FBXL20: variants seen among roughly 807,000 people sequenced by gnomAD.
FBXL20 encodes the protein F-box and leucine rich repeat protein 20.
In FBXL20, 11 loss-of-function variants were observed where a neutral mutation model predicts 64.0. The observed-to-expected ratio is 0.17, with a 90% CI of 0.11 to 0.28. FBXL20 has a LOEUF of 0.28. Among genes scored for constraint, FBXL20 ranks in the 10% least tolerant of loss-of-function variants. The pLI is 1.00. For synonymous variants in FBXL20, 184 were observed against 189.0 expected, an observed-to-expected ratio of 0.97 and a Z score of 0.22; for missense variants, 303 against 526.2, an observed-to-expected ratio of 0.58 and a Z score of 4.15.
At chr17:39,316,146 T>A (rs2047289234) in intron 2 of FBXL20, among the ~76,000 whole-genome samples, 1 of 152,098 alleles carries the variant, frequency 6.6e-6, no homozygotes, top group Non-Finnish European at 1.5e-5. Context: ...GAGATGTGAA[T>A]CTGGAAAGGG....
chr17:39,324,434 A>T, intron 2 of FBXL20, among the ~76,000 whole-genome samples: 1 of 151,630 alleles, frequency 6.6e-6, no homozygotes, highest in Non-Finnish European at 1.5e-5. Flanking sequence ...GATTACAGGC[A>T]CTTGCCACCA....
intron 1 of FBXL20, among the ~76,000 whole-genome samples, chr17:39,344,370 T>G (rs2047612291): frequency 6.6e-6 from 1 of 151,564 alleles, no homozygotes; most frequent in African/African-American, 2.4e-5. Flanking sequence ...AAAAAAAGGT[T>G]TACTGCTCAG....
chr17:39,298,875 A>T (rs758041819), intron 5 of FBXL20, 115 bp downstream of exon 5: 1 of 765,414 alleles, frequency 1.3e-6, no homozygotes, highest in Non-Finnish European at 2.2e-6. Context: ...ATTATAAGCA[A>T]TGTGTGGTTG....
intron 1 of FBXL20, among the ~76,000 whole-genome samples, chr17:39,386,600 G>C (rs558947929): frequency 1.3e-5 from 2 of 152,236 alleles, no homozygotes; most frequent in Middle Eastern, 6.8e-3. Context: ...CTCCAGCCTG[G>C]GTGACTGAGT....
intron 3 of FBXL20, among the ~76,000 whole-genome samples, chr17:39,301,777 G>C (rs190303077): frequency 3.7e-4 from 57 of 152,098 alleles, no homozygotes; most frequent in Admixed American, 1.3e-3. Context: ...CACAACTGTA[G>C]TCCCAGCTAT....
intron 1 of FBXL20, among the ~76,000 whole-genome samples, chr17:39,355,265 C>A (rs2047724627): frequency 6.6e-6 from 1 of 151,854 alleles, no homozygotes. Context: ...TATGGCCACG[C>A]CTGTAATCCC....
chr17:39,333,487 G>A (rs1339263345), intron 2 of FBXL20, among the ~76,000 whole-genome samples: 1 of 152,184 alleles, frequency 6.6e-6, no homozygotes, highest in African/African-American at 2.4e-5. Flanking sequence ...CGTGATCTCG[G>A]CTCGCTACAA....
At chr17:39,300,941 A>C (rs999314512) in intron 4 of FBXL20, 60 bp downstream of exon 4, 1 of 1,483,438 alleles carries the variant, frequency 6.7e-7, no homozygotes, top group African/African-American at 1.4e-5. Context: ...GCTAGGGCTA[A>C]TCTGTTCCAT....
chr17:39,311,001 AAC>A (rs1347045519), intron 2 of FBXL20, among the ~76,000 whole-genome samples: 1 of 151,800 alleles, frequency 6.6e-6, no homozygotes, highest in African/African-American at 2.4e-5. Flanking sequence ...TTAAAAAAAA[AAC>A]ACACAAAAAA....
At chr17:39,383,330 A>G (rs1310827102) in intron 1 of FBXL20, among the ~76,000 whole-genome samples, 4 of 152,148 alleles carry the variant, frequency 2.6e-5, no homozygotes, top group Non-Finnish European at 4.4e-5. Context: ...CATGGAGAAG[A>G]AAAACCTTGG....
chr17:39,303,682 A>T, intron 2 of FBXL20, 43 bp from the exon 3 acceptor site: 1 of 1,538,704 alleles, frequency 6.5e-7, no homozygotes, highest in Non-Finnish European at 8.9e-7. Flanking sequence ...TGTATGATAA[A>T]GTAGTTGACC....
At chr17:39,265,037 C>A (rs146960821) in intron 13 of FBXL20, among the ~76,000 whole-genome samples, 1 of 152,152 alleles carries the variant, frequency 6.6e-6, no homozygotes, top group African/African-American at 2.4e-5. Flanking sequence ...TCCATTCTTA[C>A]GACCAGTAAC....
chr17:39,344,533 C>T lies in FBXL20; in HGVS notation c.43-1292G>A, dbSNP rs191335769. Reference sequence around the variant, plus strand: ...AGGCACAGTGGCTCACACTTGTAATCCCAGCACTTTGGCAGGCTGAGGTGG... The same window carrying T: ...AGGCACAGTGGCTCACACTTGTAATTCCAGCACTTTGGCAGGCTGAGGTGG... On this transcript the variant is annotated intron_variant, in intron 1 of 14. Coordinates refer to ENST00000264658, the MANE Select transcript of FBXL20 (RefSeq NM_032875.3). Among the ~76,000 whole-genome samples the T allele has an allele frequency of 2.8e-3, 429 of 152,092 alleles. 1 individual carries two copies. Among genetic ancestry groups the T allele is most frequent in the Middle Eastern group, 6.8e-3 (2 of 294 alleles).
intron 1 of FBXL20, among the ~76,000 whole-genome samples, chr17:39,369,208 G>A (rs1478402415): frequency 6.7e-6 from 1 of 148,978 alleles, no homozygotes; most frequent in African/African-American, 2.5e-5. Context: ...AGATTACAAA[G>A]CTCATTAGAA....
At chr17:39,394,300 A>C (rs2048161946) in intron 1 of FBXL20, among the ~76,000 whole-genome samples, 1 of 142,710 alleles carries the variant, frequency 7.0e-6, no homozygotes, top group Non-Finnish European at 1.5e-5. Flanking sequence ...TTTTTTTGAG[A>C]CAGAGTCTCG....
chr17:39,332,511 C>T (rs538710209), intron 2 of FBXL20, among the ~76,000 whole-genome samples: 1 of 149,686 alleles, frequency 6.7e-6, no homozygotes, highest in South Asian at 2.1e-4. Context: ...GTGCACCTTT[C>T]CCCTTTGCTG....
At chr17:39,363,827 C>CAAAAAAAAAAAAAAAAAAAAAAA (rs1555612706) in intron 1 of FBXL20, among the ~76,000 whole-genome samples, 5 of 78,026 alleles carry the variant, frequency 6.4e-5, no homozygotes, top group Non-Finnish European at 9.6e-5. Context: ...AAAAAAAAAA[C>CAAAAAAAAAAAAAAAAAAAAAAA]AAAAAACAAA....
At chr17:39,399,337 T>G (rs1376573891) in intron 1 of FBXL20, among the ~76,000 whole-genome samples, 2 of 152,230 alleles carry the variant, frequency 1.3e-5, no homozygotes, top group Non-Finnish European at 2.9e-5. Context: ...TACGTATCTT[T>G]TATTGAAAGT....
At position 39,343,697 on chromosome 17, in the gene FBXL20, T is replaced by C. The variant is rs868736428; in HGVS notation, c.43-456A>G. 5.8e-3 allele frequency among the ~76,000 whole-genome samples: 768 copies of C among 131,624 alleles called. 17 individuals carry two copies. The highest frequency in any genetic ancestry group is 0.025 in the African/African-American group (681 of 27,356). 86.4% of individuals were successfully genotyped at this position (131,624 alleles called of 152,430 possible). ...GCCCAGGCAACGTGGCGAAAACTCTTTTTTTTTTTTTTTTTTGAGACAGAG... is the reference window on the plus strand; with the variant it reads ...GCCCAGGCAACGTGGCGAAAACTCTCTTTTTTTTTTTTTTTTGAGACAGAG... On this transcript the variant is annotated intron_variant, in intron 1 of 14. Transcript: ENST00000264658.
Sources: gnomAD v4.1 joint callset for allele counts (sites outside exome capture counted in the v4.1 genomes callset) on GRCh38, gnomAD v4.1.1 for gene constraint, MANE v1.5 for transcripts, NCBI Gene and HGNC (gene_info 2026-07-23, HGNC 2026-07-21) for gene names.